MGLL: variants seen among roughly 807,000 people sequenced by gnomAD.
MGLL encodes lysophospholipase homolog.
In MGLL, 7 loss-of-function variants were observed where a neutral mutation model predicts 29.1. That is an observed-to-expected ratio of 0.24 (90% CI 0.14 to 0.45). The LOEUF is 0.45. Ranked by LOEUF, MGLL falls within the 20% of genes least tolerant of loss-of-function variation. MGLL has a pLI of 0.99. For synonymous variants in MGLL, 148 were observed against 168.3 expected, an observed-to-expected ratio of 0.88 and a Z score of 0.93; for missense variants, 356 against 413.6, an observed-to-expected ratio of 0.86 and a Z score of 1.21.
chr3:127,787,206 C>T (rs1480332741), intron 2 of MGLL, among the ~76,000 whole-genome samples: 2 of 152,228 alleles, frequency 1.3e-5, no homozygotes, highest in Non-Finnish European at 2.9e-5. Context: ...GCCTGCAATA[C>T]ACCAGCAGCC....
At chr3:127,767,844 T>C (rs1482316134) in intron 3 of MGLL, among the ~76,000 whole-genome samples, 1 of 152,252 alleles carries the variant, frequency 6.6e-6, no homozygotes, top group East Asian at 1.9e-4. Flanking sequence ...TCAGTAATAA[T>C]AATGAACAGG....
intron 2 of MGLL, among the ~76,000 whole-genome samples, chr3:127,804,577 C>A (rs938975221): frequency 6.6e-6 from 1 of 152,200 alleles, no homozygotes; most frequent in African/African-American, 2.4e-5. Flanking sequence ...AGAGTCTGTG[C>A]ACATCAACGT....
chr3:127,693,749 G>A lies in MGLL; in HGVS notation c.816+1226C>T, dbSNP rs533309825. Among the ~76,000 whole-genome samples the A allele has an allele frequency of 9.7e-4, 147 of 151,982 alleles. 5 individuals are homozygous for A. The South Asian group carries it at 0.028, about 29-fold the overall frequency. On this transcript the variant is annotated intron_variant, in intron 7 of 7. Transcript: ENST00000265052. ...CTCATCCCACCAGGATACAGGTTCC[G>A]GGGGGGCAGGGCAGAGCCTTTGCCT...
chr3:127,743,693 C>G (rs2076388583), intron 3 of MGLL, among the ~76,000 whole-genome samples: 1 of 151,940 alleles, frequency 6.6e-6, no homozygotes, highest in Non-Finnish European at 1.5e-5. Context: ...TGCGTGCCAC[C>G]CCTACACGCT....
chr3:127,800,736 C>T (rs1291310240), intron 2 of MGLL, among the ~76,000 whole-genome samples: 1 of 152,176 alleles, frequency 6.6e-6, no homozygotes, highest in Non-Finnish European at 1.5e-5. Context: ...CATGCAAAAG[C>T]CCTAGCAAGC....
chr3:127,753,113 A>C (rs2076589451), intron 3 of MGLL, among the ~76,000 whole-genome samples: 1 of 152,228 alleles, frequency 6.6e-6, no homozygotes, highest in Admixed American at 6.5e-5. Flanking sequence ...CAATAGTCAA[A>C]GGTGTAAATA....
At chr3:127,791,560 T>C (rs1017265764) in intron 2 of MGLL, among the ~76,000 whole-genome samples, 17 of 152,254 alleles carry the variant, frequency 1.1e-4, no homozygotes, top group Non-Finnish European at 2.5e-4. Flanking sequence ...GCTTTACATA[T>C]GTCATGCTGT....
intron 2 of MGLL, among the ~76,000 whole-genome samples, chr3:127,816,401 AC>A (rs1284756547): frequency 6.6e-6 from 1 of 152,206 alleles, no homozygotes; most frequent in Non-Finnish European, 1.5e-5. Context: ...AGCCAGTCCC[AC>A]CTTTGAGGAC....
At chr3:127,726,435 T>A (rs925240427) in intron 3 of MGLL, among the ~76,000 whole-genome samples, 13 of 152,114 alleles carry the variant, frequency 8.5e-5, no homozygotes, top group South Asian at 2.1e-4. Flanking sequence ...TTTTTTATTT[T>A]TTTTTATTTT....
At chr3:127,726,699 G>T (rs1441373154) in intron 3 of MGLL, among the ~76,000 whole-genome samples, 1 of 152,054 alleles carries the variant, frequency 6.6e-6, no homozygotes, top group South Asian at 2.1e-4. Context: ...CAAATTGCTG[G>T]GATTACAGGT....
At chr3:127,800,415 C>T (rs924172126) in intron 2 of MGLL, among the ~76,000 whole-genome samples, 1 of 152,226 alleles carries the variant, frequency 6.6e-6, no homozygotes, top group Non-Finnish European at 1.5e-5. Flanking sequence ...CAGATCTAGG[C>T]TCTGTGACTT....
At chr3:127,700,474 T>A (rs1179093859) in intron 6 of MGLL, among the ~76,000 whole-genome samples, 1 of 152,168 alleles carries the variant, frequency 6.6e-6, no homozygotes, top group Non-Finnish European at 1.5e-5. Flanking sequence ...CTCCCATGCC[T>A]CACTTGGCCT....
chr3:127,693,943 T>G (rs1266766805), intron 7 of MGLL, among the ~76,000 whole-genome samples: 1 of 152,228 alleles, frequency 6.6e-6, no homozygotes, highest in Non-Finnish European at 1.5e-5. Context: ...AGTGATGCTC[T>G]CATGGATGAA....
At chr3:127,789,180 C>G (rs2077261815) in intron 2 of MGLL, among the ~76,000 whole-genome samples, 1 of 152,166 alleles carries the variant, frequency 6.6e-6, no homozygotes, top group South Asian at 2.1e-4. Context: ...ACACAAGGCC[C>G]TGAGGCATGT....
rs1164584750 is a variant in MGLL, at chr3:127,695,070, A to G, written c.721T>C (p.Phe241Leu). ...TCGGCAGAGCCCTGGAGCAGCAGGA[A>G]GGGCACAGTCAGCTTGGGGAGGGCG... ...ERALPKLTVP[F>L]LLLQGSADRL... Residue 241 changes from phenylalanine (F) to leucine (L), a missense_variant, in exon 7 of 8, where the codon TTC (phenylalanine) becomes CTC (leucine). Transcript: ENST00000265052. 2 of 1,614,140 alleles carry G rather than the reference A, an allele frequency of 1.2e-6. No homozygotes were observed. Among genetic ancestry groups the G allele is most frequent in the Non-Finnish European group, 8.5e-7 (1 of 1,180,020 alleles).
At chr3:127,755,480 T>C (rs1265565851) in intron 3 of MGLL, among the ~76,000 whole-genome samples, 1 of 152,052 alleles carries the variant, frequency 6.6e-6, no homozygotes, top group Admixed American at 6.6e-5. Context: ...GGGTTTTCAG[T>C]GACAAGGACA....
At chr3:127,805,097 G>C (rs1209668991) in intron 2 of MGLL, among the ~76,000 whole-genome samples, 1 of 152,236 alleles carries the variant, frequency 6.6e-6, no homozygotes, top group Non-Finnish European at 1.5e-5. Flanking sequence ...AGAGATAACA[G>C]GGAGCTGTTT....
intron 3 of MGLL, among the ~76,000 whole-genome samples, chr3:127,757,509 C>T (rs751104108): frequency 1.3e-5 from 2 of 152,106 alleles, no homozygotes; most frequent in Non-Finnish European, 2.9e-5. Context: ...TGGCTTTTGG[C>T]TTCAAGAAAT....
chr3:127,766,788 C>T (rs967264213), intron 3 of MGLL, among the ~76,000 whole-genome samples: 4 of 152,122 alleles, frequency 2.6e-5, no homozygotes, highest in Non-Finnish European at 4.4e-5. Flanking sequence ...ACACTAGTTA[C>T]GGCCGGGGAC....
Sources: allele counts gnomAD v4.1 joint callset (sites outside exome capture counted in the v4.1 genomes callset), GRCh38; gene constraint gnomAD v4.1.1; transcripts MANE v1.5; gene names NCBI Gene and HGNC (gene_info 2026-07-23, HGNC 2026-07-21).